EIPR1: variants seen among roughly 807,000 people sequenced by gnomAD.
The protein encoded by EIPR1 is EARP and GARP complex-interacting protein 1.
In EIPR1, 25 loss-of-function variants were observed where a neutral mutation model predicts 48.1. The observed-to-expected ratio is 0.52, with a 90% confidence interval of 0.38 to 0.73. EIPR1 has a LOEUF of 0.73. EIPR1 is among the 30% of genes least tolerant of loss of function. The probability of loss-of-function intolerance (pLI) is 0.00; values close to 1 mark genes in which losing one functional copy is unlikely to be tolerated. For synonymous variants in EIPR1, 204 were observed against 201.9 expected (o/e 1.01, Z -0.09); for missense variants, 415 against 506.2 (o/e 0.82, Z 1.73).
rs1669168418 is a variant in EIPR1 at position 3,312,773 on chromosome 2, C to G, written c.259+25244G>C. Among the ~76,000 whole-genome samples the G allele has an allele frequency of 6.6e-6, 1 of 152,140 alleles. No homozygotes were observed. The highest frequency in any genetic ancestry group is 1.5e-5 in the Non-Finnish European group (1 of 68,032). ...GGTTACGTTGCTTTGTCTGCCTCTGCTGGTCTGTGACATGAGCACGTCATG... is the reference window on the plus strand; with the variant it reads ...GGTTACGTTGCTTTGTCTGCCTCTGGTGGTCTGTGACATGAGCACGTCATG... On this transcript the variant is annotated intron_variant, in intron 3 of 8. Coordinates refer to ENST00000382125, the MANE Select transcript of EIPR1 (RefSeq NM_003310.5). This position sits in a 1 kb window ranked among gnomAD's most constrained non-coding sequence, Gnocchi z 5.5.
At chr2:3,319,110 C>T (rs186783102) in intron 3 of EIPR1, 8 of 364,890 alleles carry the variant, frequency 2.2e-5, no homozygotes, top group Admixed American at 6.9e-5. Context: ...AGTGCTTGAG[C>T]GTCATTACAA....
intron 4 of EIPR1, among the ~76,000 whole-genome samples, chr2:3,256,947 A>T (rs1667174326): frequency 6.6e-6 from 1 of 152,228 alleles, no homozygotes; most frequent in Non-Finnish European, 1.5e-5. Flanking sequence ...AGTGGTAAAT[A>T]ATTGCCATGT....
chr2:3,275,243 T>C (rs1667812888), intron 3 of EIPR1, among the ~76,000 whole-genome samples: 1 of 149,892 alleles, frequency 6.7e-6, no homozygotes, highest in Non-Finnish European at 1.5e-5. Context: ...GAAAAGCTGA[T>C]TTAGCCATAT....
intron 3 of EIPR1, among the ~76,000 whole-genome samples, chr2:3,311,208 C>T (rs1044439760): frequency 6.6e-6 from 1 of 152,124 alleles, no homozygotes; most frequent in Non-Finnish European, 1.5e-5. Flanking sequence ...ACCTTCTAAG[C>T]TTTACTATTT....
At chr2:3,375,077 G>A (rs975265228) in intron 1 of EIPR1, among the ~76,000 whole-genome samples, 1 of 151,418 alleles carries the variant, frequency 6.6e-6, no homozygotes, top group African/African-American at 2.4e-5. Flanking sequence ...CATGTCCTTT[G>A]TAGGGACGTG....
intron 3 of EIPR1, chr2:3,298,280 GTTCC>G (rs1668661850): frequency 6.6e-6 from 1 of 152,180 alleles, no homozygotes; most frequent in Admixed American, 6.5e-5. Context: ...ATATATTGGG[GTTCC>G]TTGTCACTTG....
intron 3 of EIPR1, among the ~76,000 whole-genome samples, chr2:3,285,937 C>T (rs1048643446): frequency 3.2e-4 from 49 of 151,270 alleles, no homozygotes; most frequent in Non-Finnish European, 6.5e-4. Flanking sequence ...TCGCCGGGAC[C>T]CTCGCACGGA....
intron 5 of EIPR1, among the ~76,000 whole-genome samples, chr2:3,197,278 G>A (rs1199147915): frequency 6.6e-6 from 1 of 152,208 alleles, no homozygotes; most frequent in Non-Finnish European, 1.5e-5. Context: ...TTGCAAGTAT[G>A]TGATTAGAGA....
intron 5 of EIPR1, among the ~76,000 whole-genome samples, chr2:3,197,287 G>C (rs770898797): frequency 6.6e-6 from 1 of 152,216 alleles, no homozygotes; most frequent in Non-Finnish European, 1.5e-5. Flanking sequence ...TGTGATTAGA[G>C]ATAATCAACT....
Position 3,306,841 on chromosome 2 carries a change from C to A in EIPR1, c.259+31176G>T, listed in dbSNP as rs545807150. ...GTAAGTGGACCCCCCCAGTCCAAAC[C>A]CATGTTGTTCAAAGTCAACTGTACT... On this transcript the variant is annotated intron_variant, in intron 3 of 8. Coordinates refer to ENST00000382125, the MANE Select transcript of EIPR1 (RefSeq NM_003310.5). 2.0e-5 allele frequency among the ~76,000 whole-genome samples: 3 copies of A among 152,176 alleles called. No homozygotes were observed. In the South Asian group the frequency reaches 6.3e-4, roughly 32 times the overall value.
At chr2:3,357,716 T>C (rs1418272266) in intron 1 of EIPR1, among the ~76,000 whole-genome samples, 1 of 152,262 alleles carries the variant, frequency 6.6e-6, no homozygotes, top group Non-Finnish European at 1.5e-5. Flanking sequence ...GGAGTCTCTC[T>C]GAATCTGCTG....
In EIPR1 at chr2:3,309,869, T is replaced by C. The variant is rs182746054; in HGVS notation, c.259+28148A>G. Among the ~76,000 whole-genome samples, 495 of 151,964 alleles carry C rather than the reference T, an allele frequency of 3.3e-3. 5 individuals are homozygous for C. Among genetic ancestry groups the C allele is most frequent in the African/African-American group, 0.012 (477 of 41,444 alleles). ...GGGAGAGAGGCAGCAGAGCTGGGGG[T>C]TAGGAAAGAGACGGTGGTGTGGGTA... On this transcript the variant is annotated intron_variant, in intron 3 of 8. Transcript: ENST00000382125.
Position 3,200,110 on chromosome 2 carries a change from TAGTC to T in EIPR1, c.517-3097_517-3094del, listed in dbSNP as rs1167713401. Among the ~76,000 whole-genome samples, 6 of 152,058 alleles carry T rather than the reference TAGTC, an allele frequency of 3.9e-5. No homozygotes were observed. In the South Asian group the frequency reaches 1.0e-3, roughly 26 times the overall value. ...GCTGGGAGAAGAATAGCCATGGTGA[TAGTC>T]AGAGGAGCTCTCTAGGAATCGCTTG... On this transcript the variant is annotated intron_variant, in intron 5 of 8. Transcript: ENST00000382125.
At chr2:3,307,791 T>C (rs1668993159) in intron 3 of EIPR1, among the ~76,000 whole-genome samples, 1 of 152,096 alleles carries the variant, frequency 6.6e-6, no homozygotes, top group Admixed American at 6.5e-5. Flanking sequence ...AGTAGGAAAA[T>C]TAGAGTTAAC....
At chr2:3,204,376 T>A (rs1251532170) in intron 5 of EIPR1, among the ~76,000 whole-genome samples, 1 of 152,242 alleles carries the variant, frequency 6.6e-6, no homozygotes, top group South Asian at 2.1e-4. Flanking sequence ...GCCTGAAAGA[T>A]ATTTCACCAT....
intron 6 of EIPR1, chr2:3,194,370 C>T: frequency 1.8e-6 from 1 of 550,646 alleles, no homozygotes; most frequent in East Asian, 3.1e-5. Flanking sequence ...GCACCACGCT[C>T]ATCTCTCCAG....
intron 4 of EIPR1, among the ~76,000 whole-genome samples, chr2:3,246,764 GAAGGGAGGGAGA>G (rs1273661833): frequency 1.4e-5 from 2 of 144,686 alleles, no homozygotes; most frequent in Non-Finnish European, 3.0e-5. Context: ...AGAGAGGGAG[GAAGGGAGGGAGA>G]AAGGGAGAAA....
chr2:3,268,631 C>T (rs1184169462), intron 3 of EIPR1, among the ~76,000 whole-genome samples: 1 of 152,180 alleles, frequency 6.6e-6, no homozygotes, highest in Non-Finnish European at 1.5e-5. Flanking sequence ...TACAGCCTGA[C>T]CTCATCCACA....
chr2:3,194,291 C>A, intron 6 of EIPR1, 125 bp from the exon 7 acceptor site: 1 of 1,219,878 alleles, frequency 8.2e-7, no homozygotes, highest in South Asian at 1.5e-5. Context: ...TGCTCTCATC[C>A]CCTCGGCGTT....
Sources: allele counts gnomAD v4.1 joint callset (sites outside exome capture counted in the v4.1 genomes callset), GRCh38; gene constraint gnomAD v4.1.1; non-coding constraint Gnocchi (gnomAD v3.1); transcripts MANE v1.5; gene names NCBI Gene and HGNC (gene_info 2026-07-23, HGNC 2026-07-21).